The following FGF14 variants were observed in gnomAD, a reference collection of about 807,000 sequenced individuals.
FGF14 encodes fibroblast growth factor homologous factor 4.
FGF14 carries 5 observed loss-of-function variants against 25.5 expected under a neutral mutation model. The ratio of observed to expected loss-of-function variants is 0.20; its 90% CI spans 0.10 to 0.41. The LOEUF (loss-of-function observed/expected upper bound fraction) is 0.41. Among genes scored for constraint, FGF14 ranks in the 10% least tolerant of loss-of-function variants. The pLI, the probability that FGF14 is intolerant of heterozygous loss-of-function variation, is 1.00. For missense variants in FGF14, 222 were observed against 320.1 expected, an observed-to-expected ratio of 0.69 and a Z score of 2.34; for synonymous variants, 138 against 118.3, an observed-to-expected ratio of 1.17 and a Z score of -1.08.
intron 3 of FGF14, among the ~76,000 whole-genome samples, chr13:101,807,407 A>T (rs1178093643): frequency 6.6e-6 from 1 of 152,102 alleles, no homozygotes; most frequent in Non-Finnish European, 1.5e-5. Context: ...GTTTCCTGGA[A>T]TTGGATGAAG....
chr13:102,231,811 A>C (rs559875564), intron 1 of FGF14, among the ~76,000 whole-genome samples: 1 of 152,286 alleles, frequency 6.6e-6, no homozygotes, highest in South Asian at 2.1e-4. Context: ...AGCTCTCTAA[A>C]ACTCTGTTTC....
chr13:102,007,635 T>A (rs1248127052), intron 1 of FGF14, among the ~76,000 whole-genome samples: 2 of 152,176 alleles, frequency 1.3e-5, no homozygotes, highest in African/African-American at 4.8e-5. Flanking sequence ...TCAAGTGATG[T>A]TCATCAAACT....
intron 1 of FGF14, among the ~76,000 whole-genome samples, chr13:101,981,688 C>G (rs1379845948): frequency 2.6e-5 from 4 of 151,988 alleles, no homozygotes; most frequent in Non-Finnish European, 5.9e-5. Context: ...CGAAATTATA[C>G]TAGGGTGGGA....
chr13:101,962,878 A>G (rs1230557279), intron 1 of FGF14, among the ~76,000 whole-genome samples: 3 of 152,214 alleles, frequency 2.0e-5, no homozygotes, highest in Non-Finnish European at 2.9e-5. Flanking sequence ...TGCCGTGAAG[A>G]TTAAGTGAAT....
chr13:102,161,486 T>C (rs569753378), intron 1 of FGF14, among the ~76,000 whole-genome samples: 2 of 151,952 alleles, frequency 1.3e-5, no homozygotes, highest in South Asian at 4.2e-4. Flanking sequence ...TCAGTCAGTG[T>C]AAGCTTGCCT....
chr13:101,871,177 A>G (rs922962968), intron 2 of FGF14, among the ~76,000 whole-genome samples: 3 of 152,146 alleles, frequency 2.0e-5, no homozygotes, highest in Non-Finnish European at 4.4e-5. Flanking sequence ...TGCTTCTTAC[A>G]TAATTATAAG....
intron 1 of FGF14, among the ~76,000 whole-genome samples, chr13:102,066,709 G>A (rs939737384): frequency 2.6e-5 from 4 of 152,242 alleles, no homozygotes; most frequent in Admixed American, 6.5e-5. Flanking sequence ...GAGTTCTGAC[G>A]GTCTTTCTCT....
chr13:102,212,792 G>T (rs552855377), intron 1 of FGF14, among the ~76,000 whole-genome samples: 18 of 152,262 alleles, frequency 1.2e-4, no homozygotes, highest in Middle Eastern at 3.4e-3. Flanking sequence ...CACATATTAT[G>T]AGTTGAATTA....
At chr13:102,213,904 G>C (rs570818347) in intron 1 of FGF14, among the ~76,000 whole-genome samples, 71 of 152,242 alleles carry the variant, frequency 4.7e-4, no homozygotes, top group Middle Eastern at 3.4e-3. Context: ...GGTACTAATA[G>C]GTATTACTCA....
chr13:101,738,528 G>C (rs917416487), intron 3 of FGF14, among the ~76,000 whole-genome samples: 8 of 152,060 alleles, frequency 5.3e-5, no homozygotes, highest in Admixed American at 6.6e-5. Flanking sequence ...AATTCCAAAG[G>C]TTAACACAAA....
chr13:102,159,803 G>A (rs2047538280), intron 1 of FGF14, among the ~76,000 whole-genome samples: 2 of 152,066 alleles, frequency 1.3e-5, no homozygotes, highest in African/African-American at 4.8e-5. Context: ...AATTTTCTCT[G>A]TAAGAAATCT....
chr13:102,179,464 G>A (rs1305013384), intron 1 of FGF14, among the ~76,000 whole-genome samples: 1 of 152,050 alleles, frequency 6.6e-6, no homozygotes, highest in Admixed American at 6.6e-5. Flanking sequence ...TTCCTTAACA[G>A]ATACGTGCAG....
chr13:102,115,086 T>C (rs1253899270), intron 1 of FGF14, among the ~76,000 whole-genome samples: 2 of 152,230 alleles, frequency 1.3e-5, no homozygotes, highest in Non-Finnish European at 2.9e-5. Flanking sequence ...GGAGAACCCC[T>C]GCCCACCAGG....
intron 1 of FGF14, among the ~76,000 whole-genome samples, chr13:102,110,246 G>C (rs557858080): frequency 1.3e-5 from 2 of 152,186 alleles, no homozygotes; most frequent in Non-Finnish European, 2.9e-5. Flanking sequence ...GTAGAAAGCA[G>C]TGTTTTTTTC....
At chr13:101,873,642 A>G (rs907746117) in intron 2 of FGF14, among the ~76,000 whole-genome samples, 1 of 152,138 alleles carries the variant, frequency 6.6e-6, no homozygotes, top group African/African-American at 2.4e-5. Flanking sequence ...CAAATGGGTA[A>G]AGAGTTTAAG....
chr13:101,822,555 T>TGAA (rs2042208483), intron 3 of FGF14, among the ~76,000 whole-genome samples: 1 of 152,058 alleles, frequency 6.6e-6, no homozygotes, highest in Non-Finnish European at 1.5e-5. Flanking sequence ...TAGATTAATT[T>TGAA]GAAGAGATAT....
chr13:102,047,076 C>A (rs1017885492), intron 1 of FGF14, among the ~76,000 whole-genome samples: 2 of 152,054 alleles, frequency 1.3e-5, no homozygotes, highest in African/African-American at 4.8e-5. Context: ...GAAGTATACT[C>A]CAAATGGAAA....
chr13:102,133,528 T>G (rs2140422614), intron 1 of FGF14, among the ~76,000 whole-genome samples: 1 of 152,358 alleles, frequency 6.6e-6, no homozygotes, highest in Admixed American at 6.5e-5. Context: ...GAGCATAATA[T>G]GTAAAGTAAG....
At chr13:102,123,273 G>T (rs1309668900) in intron 1 of FGF14, among the ~76,000 whole-genome samples, 2 of 152,108 alleles carry the variant, frequency 1.3e-5, no homozygotes, top group African/African-American at 4.8e-5. Flanking sequence ...AGACTGAGAA[G>T]AAGCTACATT....
Sources: allele counts gnomAD v4.1 joint callset (sites outside exome capture counted in the v4.1 genomes callset), GRCh38; gene constraint gnomAD v4.1.1; transcripts MANE v1.5; gene names NCBI Gene and HGNC (gene_info 2026-07-23, HGNC 2026-07-21).